Variants in CTSC observed in about 807,000 individuals in gnomAD.
CTSC encodes dipeptidyl peptidase 1.
In CTSC, 37 loss-of-function variants were observed where a neutral mutation model predicts 40.9. The ratio of observed to expected loss-of-function variants is 0.91; its 90% CI spans 0.70 to 1.19. CTSC has a LOEUF of 1.19. Among genes scored for constraint, CTSC ranks in the 50% most tolerant of loss-of-function variants. CTSC has a pLI of 0.00. For missense variants in CTSC, 594 were observed against 567.3 expected, an observed-to-expected ratio of 1.05 and a Z score of -0.48; for synonymous variants, 232 against 207.4, an observed-to-expected ratio of 1.12 and a Z score of -1.02.
intron 2 of CTSC, among the ~76,000 whole-genome samples, chr11:88,330,538 G>A (rs1456086638): frequency 2.0e-5 from 3 of 151,822 alleles, no homozygotes; most frequent in African/African-American, 7.3e-5. Context: ...TAGTAGAGAC[G>A]GGGTTTCTTC....
At chr11:88,333,059 T>C (rs931203047) in intron 2 of CTSC, among the ~76,000 whole-genome samples, 3 of 152,236 alleles carry the variant, frequency 2.0e-5, no homozygotes, top group East Asian at 1.9e-4. Context: ...CAATTCCTCA[T>C]TCAGCCACCA....
At chr11:88,326,284 A>T (rs1319259832) in intron 2 of CTSC, 1 of 1,596,966 alleles carries the variant, frequency 6.3e-7, no homozygotes, top group Non-Finnish European at 8.5e-7. Flanking sequence ...TGCATTTTGC[A>T]TGCAAATAAA....
At chr11:88,329,991 C>A (rs1006106802) in intron 2 of CTSC, among the ~76,000 whole-genome samples, 7 of 152,194 alleles carry the variant, frequency 4.6e-5, no homozygotes, top group African/African-American at 1.7e-4. Flanking sequence ...CCAAGCTAGC[C>A]TGCATTGTGT....
intron 2 of CTSC, among the ~76,000 whole-genome samples, chr11:88,333,404 A>C (rs1284143554): frequency 6.6e-6 from 1 of 152,164 alleles, no homozygotes; most frequent in South Asian, 2.1e-4. Context: ...TGTGTGTCAA[A>C]GAAGAAGGGA....
chr11:88,294,110 C>A lies in CTSC; in HGVS notation c.1288G>T (p.Gly430Cys). 6.2e-7 allele frequency: 1 copy of A among 1,613,874 alleles called. No individual in the cohort carries two copies. ...MDYWIVKNSW[G>C]TGWGENGYFR... Reference sequence around the variant, plus strand: ...TAGCCATTCTCACCCCAGCCGGTGCCCCAGCTGTTTTTAACAATCCAGTAA... The same window carrying A: ...TAGCCATTCTCACCCCAGCCGGTGCACCAGCTGTTTTTAACAATCCAGTAA... The change falls in exon 7 of 7, where the codon GGC becomes TGC. Residue 430 changes from glycine to cysteine, a missense_variant. Transcript: ENST00000227266.
chr11:88,334,882 A>G, intron 2 of CTSC, 55 bp downstream of exon 2: 2 of 1,309,250 alleles, frequency 1.5e-6, no homozygotes, highest in Non-Finnish European at 2.2e-6. Context: ...TAATCAGAAG[A>G]GGTTTCAGAT....
At position 88,300,545 on chromosome 11, in the gene CTSC, G is replaced by C. The variant is rs1189528354; in HGVS notation, c.742C>G (p.Pro248Ala). Reference protein sequence around the residue: ...RNVHGINFVSPVRNQASCGSC... With the variant: ...RNVHGINFVSAVRNQASCGSC... ...ATTTTTTTACCTTGGTTTCGAACAG[G>C]ACTGACAAAATTGATACCATGAACA... The change falls in exon 5 of 7, where the codon CCT (proline) becomes GCT (alanine). Residue 248 changes from proline (P) to alanine (A), a missense_variant. Physicochemically the swap from Pro to Ala is conservative, Grantham distance 27. Transcript: ENST00000227266. The C allele has an allele frequency of 6.2e-7, 1 of 1,607,126 alleles. No individual in the cohort carries two copies. Among genetic ancestry groups the C allele is most frequent in the Non-Finnish European group, 8.5e-7 (1 of 1,173,782 alleles).
chr11:88,300,691 T>C, intron 4 of CTSC, 46 bp from the exon 5 acceptor site: 1 of 1,181,154 alleles, frequency 8.5e-7, no homozygotes. Context: ...ATCTTTCCTT[T>C]GAGGATGATT....
Position 88,301,693 on chromosome 11 carries a change from G to A in CTSC, c.642-1048C>T, listed in dbSNP as rs77313597. On this transcript the variant is annotated intron_variant, in intron 4 of 6. Transcript: ENST00000227266. Reference sequence around the variant, plus strand: ...GCTGTAAGACACACAAAGGAGAGTTGCCTAGGCCCATGAATGAACGGACAT... The same window carrying A: ...GCTGTAAGACACACAAAGGAGAGTTACCTAGGCCCATGAATGAACGGACAT... 6.8e-3 allele frequency among the ~76,000 whole-genome samples: 1,039 copies of A among 152,184 alleles called. 16 individuals are homozygous for A. The highest frequency in any genetic ancestry group is 0.023 in the African/African-American group (970 of 41,506).
At chr11:88,330,573 G>GACCTCGAACT (rs1938322889) in intron 2 of CTSC, among the ~76,000 whole-genome samples, 1 of 151,696 alleles carries the variant, frequency 6.6e-6, no homozygotes, top group Non-Finnish European at 1.5e-5. Flanking sequence ...GGTCTCGAAC[G>GACCTCGAACT]CCTGACCTCA....
At chr11:88,322,293 T>C (rs1343528190) in intron 2 of CTSC, 1 of 152,248 alleles carries the variant, frequency 6.6e-6, no homozygotes, top group South Asian at 2.1e-4. Flanking sequence ...TAATTGCTTT[T>C]GGTGTCTTTC....
Position 88,337,489 on chromosome 11 carries a change from C to A in CTSC, c.172+12G>T. The A allele has an allele frequency of 1.9e-6, 3 of 1,564,180 alleles. No individual in the cohort carries two copies. Among genetic ancestry groups the A allele is most frequent in the East Asian group, 2.4e-5 (1 of 41,790 alleles). On this transcript the variant is annotated intron_variant, in intron 1 of 6. Coordinates refer to ENST00000227266, the MANE Select transcript of CTSC (RefSeq NM_001814.6). ...AAGGACGACCCGGAGGACTGCCGAG[C>A]CGGCGGCTTACCCATAACCGAGCAG...
intron 2 of CTSC, among the ~76,000 whole-genome samples, chr11:88,313,743 C>T (rs1161276932): frequency 6.6e-6 from 1 of 152,074 alleles, no homozygotes; most frequent in South Asian, 2.1e-4. Context: ...ATTTGTAGAA[C>T]CTTGGGCAAG....
In CTSC at chr11:88,309,214, G is replaced by A. The variant is rs766365839; in HGVS notation, c.590C>T (p.Thr197Ile). 2 of 1,613,928 alleles carry A rather than the reference G, an allele frequency of 1.2e-6. No individual in the cohort carries two copies. The highest frequency in any genetic ancestry group is 1.3e-5 in the African/African-American group (1 of 75,022). ...ATTYMEYETL[T>I]LGDMIRRSGG... is the part of the protein sequence containing the mutation. Reference sequence around the variant, plus strand: ...ACTTCTCCTAATCATATCTCCCAGGGTAAGAGTCTCATATTCCATGTATGT... The same window carrying A: ...ACTTCTCCTAATCATATCTCCCAGGATAAGAGTCTCATATTCCATGTATGT... The change falls in exon 4 of 7, where the codon ACC becomes ATC. Residue 197 changes from threonine (T) to isoleucine (I), a missense_variant. By Grantham distance (89) the Thr-to-Ile change is moderately conservative (BLOSUM62 -1). Coordinates refer to ENST00000227266, the MANE Select transcript of CTSC (RefSeq NM_001814.6).
intron 4 of CTSC, among the ~76,000 whole-genome samples, chr11:88,305,684 C>T (rs1015162563): frequency 6.6e-6 from 1 of 152,214 alleles, no homozygotes; most frequent in Non-Finnish European, 1.5e-5. Context: ...AATCAGGAAG[C>T]CAGATTATAA....
At chr11:88,335,680 A>G (rs2134829093) in intron 1 of CTSC, among the ~76,000 whole-genome samples, 1 of 152,340 alleles carries the variant, frequency 6.6e-6, no homozygotes, top group Middle Eastern at 3.4e-3. Flanking sequence ...TTTTCCACTG[A>G]ACAAAAGGAG....
rs762971162 is a variant in CTSC at position 88,296,270 on chromosome 11, G to A, written c.758-6C>T. 14 of 1,613,288 alleles carry A rather than the reference G, an allele frequency of 8.7e-6. No homozygotes were observed. Among genetic ancestry groups the A allele is most frequent in the East Asian group, 6.7e-5 (3 of 44,848 alleles). ...GTAGCAGCTGCCACAGGATGCTGGCGATGAAAAAAAGACACATAATCCAAG... is the reference window on the plus strand; with the variant it reads ...GTAGCAGCTGCCACAGGATGCTGGCAATGAAAAAAAGACACATAATCCAAG... On this transcript the variant is annotated splice_region_variant and splice_polypyrimidine_tract_variant and intron_variant, in intron 5 of 6. Coordinates refer to ENST00000227266, the MANE Select transcript of CTSC (RefSeq NM_001814.6).
chr11:88,299,867 G>C (rs888398584), intron 5 of CTSC: 1 of 152,212 alleles, frequency 6.6e-6, no homozygotes, highest in Non-Finnish European at 1.5e-5. Flanking sequence ...TTGCTATCAA[G>C]TGCAGTTAGA....
chr11:88,326,870 T>C (rs1938207977), intron 2 of CTSC, among the ~76,000 whole-genome samples: 1 of 152,216 alleles, frequency 6.6e-6, no homozygotes, highest in Admixed American at 6.5e-5. Context: ...CCAGGGTTTA[T>C]CTTTTCTACT....
Sources: allele counts gnomAD v4.1 joint callset (sites outside exome capture counted in the v4.1 genomes callset), GRCh38; gene constraint gnomAD v4.1.1; transcripts MANE v1.5; gene names NCBI Gene and HGNC (gene_info 2026-07-23, HGNC 2026-07-21).